DLG2: variants seen among roughly 807,000 people sequenced by gnomAD.
DLG2 encodes disks large homolog 2.
In DLG2, 45 loss-of-function variants were observed where a neutral mutation model predicts 132.5. The observed-to-expected ratio is 0.34, with a 90% CI of 0.27 to 0.44. The LOEUF is 0.44. Ranked by LOEUF, DLG2 falls within the 20% of genes least tolerant of loss-of-function variation. The pLI, the probability that DLG2 is intolerant of heterozygous loss-of-function variation, is 1.00. For synonymous variants in DLG2, 424 were observed against 419.6 expected, an observed-to-expected ratio of 1.01 and a Z score of -0.13; for missense variants, 1,045 against 1,196.9, an observed-to-expected ratio of 0.87 and a Z score of 1.87.
At chr11:85,145,546 T>C (rs1249918640) in intron 5 of DLG2, among the ~76,000 whole-genome samples, 2 of 152,044 alleles carry the variant, frequency 1.3e-5, no homozygotes, top group African/African-American at 4.8e-5. Context: ...CCATGGCTGT[T>C]TTTTATACAG....
At chr11:85,615,688 T>A (rs1167694830) in intron 2 of DLG2, among the ~76,000 whole-genome samples, 1 of 152,196 alleles carries the variant, frequency 6.6e-6, no homozygotes, top group Non-Finnish European at 1.5e-5. Context: ...TTTGTATATA[T>A]TAGATGATTT....
intron 9 of DLG2, among the ~76,000 whole-genome samples, chr11:84,161,154 C>G (rs964205838): frequency 6.6e-6 from 1 of 152,044 alleles, no homozygotes; most frequent in Non-Finnish European, 1.5e-5. Flanking sequence ...GTTGGCTTAA[C>G]CAGCGTAAGC....
At chr11:83,881,029 T>C (rs1032535949) in intron 15 of DLG2, among the ~76,000 whole-genome samples, 2 of 98,348 alleles carry the variant, frequency 2.0e-5, no homozygotes, top group African/African-American at 4.2e-5. Context: ...AAAGTAATAG[T>C]GGTTTTTTCC....
At chr11:84,317,302 T>C in intron 7 of DLG2, 1 of 1,442,602 alleles carries the variant, frequency 6.9e-7, no homozygotes, top group Non-Finnish European at 9.1e-7. Context: ...GTGGGAGCAG[T>C]GGGAGCAGCG....
chr11:85,099,773 G>A (rs1238401557), intron 6 of DLG2, among the ~76,000 whole-genome samples: 1 of 152,170 alleles, frequency 6.6e-6, no homozygotes, highest in Non-Finnish European at 1.5e-5. Context: ...TTGTTCCGCA[G>A]TGGTCTAACA....
chr11:84,912,625 T>C (rs962072273), intron 6 of DLG2, among the ~76,000 whole-genome samples: 2 of 152,230 alleles, frequency 1.3e-5, no homozygotes, highest in Non-Finnish European at 2.9e-5. Context: ...CCTAGAAGCA[T>C]TGCAGACTAC....
intron 4 of DLG2, among the ~76,000 whole-genome samples, chr11:85,178,920 G>T (rs1343844048): frequency 2.0e-5 from 3 of 151,840 alleles, no homozygotes; most frequent in Admixed American, 1.3e-4. Flanking sequence ...AAAGGAGGAT[G>T]AAGAGAACGC....
chr11:84,941,699 T>C (rs1228470248), intron 6 of DLG2, among the ~76,000 whole-genome samples: 1 of 122,218 alleles, frequency 8.2e-6, no homozygotes, highest in Non-Finnish European at 1.9e-5. Context: ...TTCTTTCTCT[T>C]TTTTTTTTTT....
chr11:84,223,043 T>G (rs2096937741), intron 8 of DLG2, among the ~76,000 whole-genome samples: 1 of 152,224 alleles, frequency 6.6e-6, no homozygotes, highest in Admixed American at 6.5e-5. Context: ...TGGGTCAGGT[T>G]CCTGGACAGG....
intron 7 of DLG2, among the ~76,000 whole-genome samples, chr11:84,524,195 G>A (rs564836202): frequency 3.7e-4 from 56 of 152,312 alleles, no homozygotes; most frequent in African/African-American, 1.3e-3. Context: ...TGAGTCACAG[G>A]TGGCCCATCA....
intron 12 of DLG2, among the ~76,000 whole-genome samples, chr11:83,966,970 T>C (rs1020762810): frequency 5.3e-5 from 8 of 152,094 alleles, no homozygotes; most frequent in African/African-American, 1.9e-4. Flanking sequence ...AGATTCCACA[T>C]ATAAGTGAGA....
chr11:84,521,023 T>C (rs2154516671), intron 7 of DLG2, among the ~76,000 whole-genome samples: 1 of 152,336 alleles, frequency 6.6e-6, no homozygotes, highest in South Asian at 2.1e-4. Context: ...GTCTTTGAGA[T>C]GTAAATCATT....
intron 6 of DLG2, among the ~76,000 whole-genome samples, chr11:84,993,510 G>A (rs917907814): frequency 1.3e-5 from 2 of 152,210 alleles, no homozygotes; most frequent in Admixed American, 6.5e-5. Context: ...CAAGTGTAAA[G>A]GAATGTGGGA....
chr11:84,561,093 T>C (rs577016615), intron 6 of DLG2, among the ~76,000 whole-genome samples: 3 of 152,238 alleles, frequency 2.0e-5, no homozygotes, highest in East Asian at 1.9e-4. Context: ...TGAAACAGTA[T>C]ATTGGGCATT....
intron 6 of DLG2, among the ~76,000 whole-genome samples, chr11:84,705,798 GGGTGTCATTATTCAACA>G (rs2059723061): frequency 6.6e-6 from 1 of 151,772 alleles, no homozygotes; most frequent in Admixed American, 6.6e-5. Context: ...GAAGTATGAT[GGGTGTCATTATTCAACA>G]GGTCCTTCTT....
At chr11:85,533,014 T>C (rs959087177) in intron 3 of DLG2, among the ~76,000 whole-genome samples, 1 of 151,346 alleles carries the variant, frequency 6.6e-6, no homozygotes, top group Admixed American at 6.6e-5. Context: ...GTTTTTGTTG[T>C]TGTTGTTGTT....
intron 4 of DLG2, among the ~76,000 whole-genome samples, chr11:85,223,818 ACCAACC>A (rs988819888): frequency 6.6e-5 from 10 of 152,246 alleles, no homozygotes; most frequent in African/African-American, 2.4e-4. Context: ...AGAGGACTTA[ACCAACC>A]CTCAAGTCAC....
chr11:85,470,089 C>T (rs879649324), intron 3 of DLG2, among the ~76,000 whole-genome samples: 5 of 151,668 alleles, frequency 3.3e-5, no homozygotes. Context: ...TCTCACCAAG[C>T]TTTTGCATTT....
chr11:84,613,913 T>C (rs928029388), intron 6 of DLG2, among the ~76,000 whole-genome samples: 1 of 152,174 alleles, frequency 6.6e-6, no homozygotes, highest in Admixed American at 6.6e-5. Flanking sequence ...CAGTCACTGA[T>C]AATACTTTTA....
Sources: gnomAD v4.1 joint callset for allele counts (sites outside exome capture counted in the v4.1 genomes callset) on GRCh38, gnomAD v4.1.1 for gene constraint, MANE v1.5 for transcripts, NCBI Gene and HGNC (gene_info 2026-07-23, HGNC 2026-07-21) for gene names.